SPMIP7: variants seen among roughly 807,000 people sequenced by gnomAD.
SPMIP7 encodes protein SPMIP7.
chr7:50,125,187 T>C, the SPMIP7 span, among the ~76,000 whole-genome samples: 1 of 34,928 alleles, frequency 2.9e-5, no homozygotes, highest in African/African-American at 9.4e-5. Flanking sequence ...TATATACACA[T>C]ATATACACAT....
At chr7:50,098,163 T>A in the SPMIP7 span, among the ~76,000 whole-genome samples, 1 of 152,316 alleles carries the variant, frequency 6.6e-6, no homozygotes, top group East Asian at 1.9e-4. Flanking sequence ...TGCTCTTCAG[T>A]GGACTTTCAC....
At chr7:50,128,855 G>A in the SPMIP7 span, among the ~76,000 whole-genome samples, 1 of 151,920 alleles carries the variant, frequency 6.6e-6, no homozygotes, top group Admixed American at 6.6e-5. Context: ...TCCTGAGCCA[G>A]ATAAACAAAA....
At chr7:50,121,602 C>CT in the SPMIP7 span, among the ~76,000 whole-genome samples, 2 of 151,812 alleles carry the variant, frequency 1.3e-5, no homozygotes, top group Admixed American at 1.3e-4. Flanking sequence ...TTTCACGAAT[C>CT]TTTTTTTTCT....
chr7:50,150,889 T>C, the SPMIP7 span, among the ~76,000 whole-genome samples: 1 of 152,230 alleles, frequency 6.6e-6, no homozygotes, highest in African/African-American at 2.4e-5. Context: ...CTAAACTGTT[T>C]AAATTCAAAT....
the SPMIP7 span, among the ~76,000 whole-genome samples, chr7:50,127,439 GA>G: frequency 2.8e-3 from 416 of 148,880 alleles, 1 homozygote; most frequent in African/African-American, 9.5e-3. Flanking sequence ...GCTCTGTACA[GA>G]AAAAAAAAGT....
chr7:50,155,874 C>CCCTCA, the SPMIP7 span, among the ~76,000 whole-genome samples: 13 of 152,198 alleles, frequency 8.5e-5, no homozygotes, highest in South Asian at 4.2e-4. Flanking sequence ...TCATCCATGG[C>CCCTCA]CTGAGTGGGA....
the SPMIP7 span, among the ~76,000 whole-genome samples, chr7:50,103,230 T>C: frequency 6.6e-6 from 1 of 152,050 alleles, no homozygotes; most frequent in East Asian, 1.9e-4. Context: ...ATTTTAACTT[T>C]TAATTTTACA....
At chr7:50,158,938 C>T in the SPMIP7 span, 59 of 1,157,780 alleles carry the variant, frequency 5.1e-5, no homozygotes, top group African/African-American at 3.4e-4. Flanking sequence ...CTGCAGTGCG[C>T]GCTCCCCTCC....
chr7:50,117,358 C>A, the SPMIP7 span: 2 of 404,888 alleles, frequency 4.9e-6, no homozygotes, highest in South Asian at 1.8e-5. Context: ...CAGCAGCAGC[C>A]AAATTGGTAG....
the SPMIP7 span, among the ~76,000 whole-genome samples, chr7:50,153,644 AT>A: frequency 6.6e-5 from 10 of 152,180 alleles, no homozygotes; most frequent in African/African-American, 1.2e-4. Context: ...GAATGTTACT[AT>A]CACCATTTTA....
the SPMIP7 span, among the ~76,000 whole-genome samples, chr7:50,102,596 A>C: frequency 6.6e-6 from 1 of 152,170 alleles, no homozygotes; most frequent in Non-Finnish European, 1.5e-5. Context: ...TTCTAAAGCC[A>C]CAGACTATCC....
At chr7:50,145,614 GTGTGTATATATATATATA>G in the SPMIP7 span, among the ~76,000 whole-genome samples, 1,394 of 39,060 alleles carry the variant, frequency 0.036, 178 homozygotes, top group East Asian at 0.2. Context: ...GTGTATATGT[GTGTGTATATATATATATA>G]TATATATATA....
At chr7:50,107,859 T>C in the SPMIP7 span, among the ~76,000 whole-genome samples, 1 of 152,104 alleles carries the variant, frequency 6.6e-6, no homozygotes, top group Non-Finnish European at 1.5e-5. Context: ...CCAAGAGTAG[T>C]GGCAGAAAAA....
the SPMIP7 span, among the ~76,000 whole-genome samples, chr7:50,102,524 C>G: frequency 1.3e-5 from 2 of 152,234 alleles, no homozygotes; most frequent in East Asian, 3.9e-4. Context: ...ATGATCACCT[C>G]AAGCTTCAAA....
chr7:50,100,812 AAAATAAAT>A, the SPMIP7 span, among the ~76,000 whole-genome samples: 1 of 139,276 alleles, frequency 7.2e-6, no homozygotes, highest in African/African-American at 2.7e-5. Context: ...ATGCCGTCCA[AAAATAAAT>A]AAATAAATAA....
the SPMIP7 span, chr7:50,104,395 AG>A: frequency 1.3e-6 from 2 of 1,525,578 alleles, no homozygotes; most frequent in South Asian, 2.5e-5. Context: ...ACATTTGATG[AG>A]GAGGCAACAT....
chr7:50,151,614 A>G, the SPMIP7 span: 10 of 1,214,772 alleles, frequency 8.2e-6, no homozygotes, highest in African/African-American at 1.5e-4. Context: ...GGAAATCCTA[A>G]TTGTGGTTAT....
chr7:50,098,525 G>T, the SPMIP7 span, among the ~76,000 whole-genome samples: 1 of 152,072 alleles, frequency 6.6e-6, no homozygotes, highest in African/African-American at 2.4e-5. Flanking sequence ...CACTTTGCAT[G>T]ACAAAATACT....
the SPMIP7 span, chr7:50,134,233 C>T: frequency 6.5e-7 from 1 of 1,542,320 alleles, no homozygotes. Context: ...AAAGGGGTGC[C>T]AGCAATAACT....
Sources: allele counts gnomAD v4.1 joint callset (sites outside exome capture counted in the v4.1 genomes callset), GRCh38; gene constraint gnomAD v4.1.1; transcripts MANE v1.5; gene names NCBI Gene and HGNC (gene_info 2026-07-23, HGNC 2026-07-21).